The following RPH3A variants were observed in gnomAD, a reference collection of about 807,000 sequenced individuals.
The protein encoded by RPH3A is rabphilin 3A.
RPH3A carries 48 observed loss-of-function variants against 102.2 expected under a neutral mutation model. That is an observed-to-expected ratio of 0.47 (90% CI 0.37 to 0.60). The LOEUF is 0.60. RPH3A is among the 20% of genes least tolerant of loss of function. RPH3A has a pLI of 0.00. For synonymous variants in RPH3A, 310 were observed against 324.3 expected (o/e 0.96, Z 0.47); for missense variants, 781 against 910.1 (o/e 0.86, Z 1.83).
At chr12:112,870,806 C>G (rs922145569) in intron 10 of RPH3A, among the ~76,000 whole-genome samples, 1 of 152,142 alleles carries the variant, frequency 6.6e-6, no homozygotes, top group African/African-American at 2.4e-5. Flanking sequence ...CATAATCTGC[C>G]CAGACCTCCC....
At chr12:112,751,450 T>TA (rs1383506154) in intron 1 of RPH3A, among the ~76,000 whole-genome samples, 2 of 152,180 alleles carry the variant, frequency 1.3e-5, no homozygotes, top group Non-Finnish European at 2.9e-5. Context: ...TGAAGGATAA[T>TA]AAAAATACCA....
intron 1 of RPH3A, among the ~76,000 whole-genome samples, chr12:112,755,998 A>T (rs2040820628): frequency 6.6e-6 from 1 of 152,202 alleles, no homozygotes; most frequent in East Asian, 1.9e-4. Flanking sequence ...TAACTGACAC[A>T]AAAGTACTGC....
At chr12:112,803,826 G>A (rs2041402901) in intron 2 of RPH3A, among the ~76,000 whole-genome samples, 2 of 152,070 alleles carry the variant, frequency 1.3e-5, no homozygotes, top group South Asian at 4.1e-4. Context: ...AGACCACCTG[G>A]ATTGGAATTC....
At chr12:112,792,855 C>G (rs1177816387) in intron 2 of RPH3A, among the ~76,000 whole-genome samples, 1 of 152,302 alleles carries the variant, frequency 6.6e-6, no homozygotes, top group African/African-American at 2.4e-5. Flanking sequence ...AGGAAAGGGC[C>G]ACACTATGCC....
Position 112,612,279 on chromosome 12 carries a change from A to G in RPH3A, c.-140+36960A>G, listed in dbSNP as rs185295717. 6.0e-3 allele frequency among the ~76,000 whole-genome samples: 917 copies of G among 152,244 alleles called. 11 individuals carry two copies. Among genetic ancestry groups the G allele is most frequent in the African/African-American group, 0.021 (877 of 41,520 alleles). On this transcript the variant is annotated intron_variant, in intron 1 of 21. Transcript: ENST00000543106. Reference sequence around the variant, plus strand: ...ATGTGCTTCTTGCTTGATCTTCCACATCACGACTCTGGCTTTTGAAAGGCC... The same window carrying G: ...ATGTGCTTCTTGCTTGATCTTCCACGTCACGACTCTGGCTTTTGAAAGGCC...
At chr12:112,781,681 A>G (rs1348633479) in intron 1 of RPH3A, among the ~76,000 whole-genome samples, 2 of 152,120 alleles carry the variant, frequency 1.3e-5, no homozygotes, top group African/African-American at 4.8e-5. Context: ...CTTTTCATCC[A>G]TTCATTCATT....
intron 1 of RPH3A, among the ~76,000 whole-genome samples, chr12:112,596,135 C>T (rs2039514683): frequency 6.6e-6 from 1 of 152,102 alleles, no homozygotes; most frequent in Non-Finnish European, 1.5e-5. Context: ...TTCATGGTCT[C>T]TTCATTTTTT....
rs1026258418 is a variant in RPH3A at position 112,876,770 on chromosome 12, G to A, written c.1075G>A (p.Ala359Thr). ...MSHPSGPYSQ[A>T]SAAAPQPAAA... ...CCACCCCTCCGGACCCTATTCCCAA[G>A]CATCTGCAGCTGCCCCCCAGCCTGC... Residue 359 changes from alanine (A) to threonine (T), a missense_variant, in exon 13 of 22, where the codon GCA becomes ACA. By Grantham distance (58) the Ala-to-Thr change is moderately conservative. This residue lies in a region of RPH3A where 730 missense variants were observed against 810.0 expected (regional missense o/e 0.90). Coordinates refer to ENST00000389385, the MANE Select transcript of RPH3A (RefSeq NM_001143854.2). The A allele has an allele frequency of 7.4e-6, 12 of 1,612,116 alleles. No individual in the cohort carries two copies. The highest frequency in any genetic ancestry group is 6.7e-5 in the Admixed American group (4 of 59,750).
intron 1 of RPH3A, among the ~76,000 whole-genome samples, chr12:112,696,753 T>A (rs2040355049): frequency 6.6e-6 from 1 of 152,224 alleles, no homozygotes; most frequent in Non-Finnish European, 1.5e-5. Flanking sequence ...GGTAATTCTT[T>A]CCTTCAAAAC....
chr12:112,852,063 G>A (rs1002902782), intron 5 of RPH3A, among the ~76,000 whole-genome samples: 1 of 152,162 alleles, frequency 6.6e-6, no homozygotes, highest in Non-Finnish European at 1.5e-5. Flanking sequence ...AGGGGACGTG[G>A]GCTAGGTTTG....
At chr12:112,739,295 T>C (rs1356846212) in intron 1 of RPH3A, among the ~76,000 whole-genome samples, 1 of 152,226 alleles carries the variant, frequency 6.6e-6, no homozygotes, top group Non-Finnish European at 1.5e-5. Context: ...CTGCATGAAC[T>C]CAACTGCTCT....
At chr12:112,595,220 A>G (rs762588667) in intron 1 of RPH3A, among the ~76,000 whole-genome samples, 2 of 152,220 alleles carry the variant, frequency 1.3e-5, no homozygotes, top group Admixed American at 1.3e-4. Flanking sequence ...AGCTCTCAGA[A>G]TAGTACTTAG....
intron 1 of RPH3A, among the ~76,000 whole-genome samples, chr12:112,610,837 C>A (rs1234989387): frequency 2.6e-5 from 4 of 152,020 alleles, no homozygotes; most frequent in Non-Finnish European, 4.4e-5. Flanking sequence ...AGGGTTTCAC[C>A]GTGTTAGCCA....
intron 1 of RPH3A, among the ~76,000 whole-genome samples, chr12:112,697,392 C>T (rs1371413007): frequency 1.3e-5 from 2 of 152,042 alleles, no homozygotes; most frequent in African/African-American, 4.8e-5. Context: ...ACATGAAAAG[C>T]TTAGAAACAG....
chr12:112,579,250 C>T (rs377586782), intron 1 of RPH3A, among the ~76,000 whole-genome samples: 2 of 152,324 alleles, frequency 1.3e-5, no homozygotes, highest in South Asian at 4.1e-4. Flanking sequence ...GTCTCCCCCT[C>T]ATGTACTGAT....
chr12:112,594,395 A>G (rs536053325), intron 1 of RPH3A, among the ~76,000 whole-genome samples: 1 of 152,146 alleles, frequency 6.6e-6, no homozygotes, highest in South Asian at 2.1e-4. Flanking sequence ...CATTCCACCC[A>G]CATACCCACC....
intron 1 of RPH3A, among the ~76,000 whole-genome samples, chr12:112,703,051 C>T (rs1473775352): frequency 1.3e-5 from 2 of 152,142 alleles, no homozygotes; most frequent in Non-Finnish European, 2.9e-5. Context: ...GAGCCTGTAT[C>T]TCAAGAGGAT....
At chr12:112,753,318 C>A (rs144636674) in intron 1 of RPH3A, among the ~76,000 whole-genome samples, 1 of 152,256 alleles carries the variant, frequency 6.6e-6, no homozygotes, top group African/African-American at 2.4e-5. Flanking sequence ...TCAATCAGGG[C>A]AATTTTGGAG....
intron 16 of RPH3A, among the ~76,000 whole-genome samples, 168 bp from the exon 17 acceptor site, chr12:112,887,629 A>G (rs180706166): frequency 1.3e-5 from 2 of 152,376 alleles, no homozygotes; most frequent in Admixed American, 6.5e-5. Flanking sequence ...TTATACTGCA[A>G]TAAAGAAGAA....
Sources: allele counts gnomAD v4.1 joint callset (sites outside exome capture counted in the v4.1 genomes callset), GRCh38; gene constraint gnomAD v4.1.1; regional missense constraint gnomAD v4.1.1; transcripts MANE v1.5; gene names NCBI Gene and HGNC (gene_info 2026-07-23, HGNC 2026-07-21).